Variants in GAN observed in about 807,000 individuals in gnomAD.
GAN encodes the protein epididymis secretory sperm binding protein.
GAN carries 48 observed loss-of-function variants against 71.3 expected under a neutral mutation model. That is an observed-to-expected ratio of 0.67 (90% confidence interval 0.53 to 0.86). The LOEUF (loss-of-function observed/expected upper bound fraction) is 0.86. Ranked by LOEUF, GAN falls within the 40% of genes least tolerant of loss-of-function variation. GAN has a pLI of 0.00. For missense variants in GAN, 928 were observed against 770.1 expected (o/e 1.21, Z -2.43); for synonymous variants, 386 against 276.8 (o/e 1.39, Z -3.92).
chr16:81,364,913 C>G (rs1055351301), intron 7 of GAN, 61 bp from the exon 8 acceptor site: 44 of 1,524,754 alleles, frequency 2.9e-5, no homozygotes, highest in Middle Eastern at 3.4e-4. Context: ...AGTTTAATAT[C>G]TGTTCACCTG....
At chr16:81,341,820 T>C (rs1909952829) in intron 1 of GAN, among the ~76,000 whole-genome samples, 1 of 152,166 alleles carries the variant, frequency 6.6e-6, no homozygotes, top group African/African-American at 2.4e-5. Flanking sequence ...AATACCCCAA[T>C]TGAAAGACAC....
At chr16:81,315,508 C>G (rs886933635) in intron 1 of GAN, among the ~76,000 whole-genome samples, 6 of 152,016 alleles carry the variant, frequency 3.9e-5, no homozygotes, top group South Asian at 2.1e-4. Context: ...CACTGGACCC[C>G]CGCGCCCCTT....
intron 5 of GAN, among the ~76,000 whole-genome samples, chr16:81,359,243 C>G (rs1366667031): frequency 6.6e-6 from 1 of 152,128 alleles, no homozygotes; most frequent in Non-Finnish European, 1.5e-5. Flanking sequence ...TTCACACATA[C>G]ACGTCTGTCA....
intron 1 of GAN, among the ~76,000 whole-genome samples, chr16:81,337,178 A>G (rs1909792478): frequency 6.6e-6 from 1 of 152,166 alleles, no homozygotes; most frequent in Admixed American, 6.5e-5. Flanking sequence ...AGGAATGTGA[A>G]TTATTAGTTT....
At chr16:81,369,455 T>C (rs1379903871) in intron 9 of GAN, among the ~76,000 whole-genome samples, 11 of 152,218 alleles carry the variant, frequency 7.2e-5, no homozygotes, top group African/African-American at 2.2e-4. Flanking sequence ...TCTCGGAAAA[T>C]CTTGGAAAAT....
intron 9 of GAN, among the ~76,000 whole-genome samples, chr16:81,370,201 T>C (rs1339347905): frequency 6.6e-6 from 1 of 152,232 alleles, no homozygotes; most frequent in East Asian, 1.9e-4. Context: ...ATCATGATGT[T>C]CCACAAAACA....
intron 1 of GAN, among the ~76,000 whole-genome samples, chr16:81,345,372 C>G (rs1039784234): frequency 2.0e-5 from 3 of 151,544 alleles, no homozygotes; most frequent in Non-Finnish European, 4.4e-5. Context: ...CAATGATAGA[C>G]TAAGAAAATG....
At position 81,347,640 on chromosome 16, in the gene GAN, C is replaced by T. The variant is rs147186375; in HGVS notation, c.168-3943C>T. 1.7e-3 allele frequency among the ~76,000 whole-genome samples: 260 copies of T among 152,228 alleles called. 1 individual carries two copies. Among genetic ancestry groups the T allele is most frequent in the African/African-American group, 5.8e-3 (240 of 41,536 alleles). ...TGAAAATGTCTTTGTTCCCCCCTGC[C>T]ACTTGATTGATAGTTTGGCTGGTTA... is the stretch of plus-strand genomic sequence containing the variant. On this transcript the variant is annotated intron_variant, in intron 1 of 10. Transcript: ENST00000648994.
chr16:81,364,325 G>A (rs912789176), intron 7 of GAN, among the ~76,000 whole-genome samples: 2 of 152,068 alleles, frequency 1.3e-5, no homozygotes, highest in Admixed American at 6.5e-5. Context: ...ATTAGAGTGC[G>A]GTGGCGCCAT....
At chr16:81,369,582 A>C (rs1323330547) in intron 9 of GAN, among the ~76,000 whole-genome samples, 1 of 152,082 alleles carries the variant, frequency 6.6e-6, no homozygotes. Flanking sequence ...ATTCTACATT[A>C]CTCATGGTAG....
chr16:81,323,423 A>T (rs1303223419), intron 1 of GAN, among the ~76,000 whole-genome samples: 2 of 152,182 alleles, frequency 1.3e-5, no homozygotes, highest in Non-Finnish European at 2.9e-5. Flanking sequence ...TTTCATAGTG[A>T]TCAGAAAAGG....
intron 2 of GAN, among the ~76,000 whole-genome samples, chr16:81,353,847 A>G (rs1037914721): frequency 7.2e-5 from 11 of 152,128 alleles, no homozygotes; most frequent in African/African-American, 2.2e-4. Flanking sequence ...TTTGAGACCT[A>G]AGTGTATCTG....
chr16:81,366,575 A>C (rs1432959767), intron 9 of GAN, among the ~76,000 whole-genome samples: 1 of 152,240 alleles, frequency 6.6e-6, no homozygotes, highest in African/African-American at 2.4e-5. Context: ...GTTTTAGATG[A>C]GGGCACGCAG....
At chr16:81,319,598 G>T (rs990978442) in intron 1 of GAN, among the ~76,000 whole-genome samples, 1 of 152,074 alleles carries the variant, frequency 6.6e-6, no homozygotes, top group African/African-American at 2.4e-5. Flanking sequence ...GAGACCTATT[G>T]CAACAAAAGT....
intron 3 of GAN, among the ~76,000 whole-genome samples, chr16:81,355,037 C>T (rs1439751220): frequency 6.6e-6 from 1 of 152,166 alleles, no homozygotes; most frequent in Non-Finnish European, 1.5e-5. Flanking sequence ...CAAGCTTAAG[C>T]TGGAGATTAT....
At chr16:81,346,637 A>G (rs1427344215) in intron 1 of GAN, among the ~76,000 whole-genome samples, 2 of 152,200 alleles carry the variant, frequency 1.3e-5, no homozygotes, top group African/African-American at 4.8e-5. Flanking sequence ...CCTTCTGTGG[A>G]AAGATTGTCT....
Position 81,377,409 on chromosome 16 carries a change from G to T in GAN, c.1613-6G>T. 6.2e-7 allele frequency: 1 copy of T among 1,613,448 alleles called. No homozygotes were observed. The highest frequency in any genetic ancestry group is 8.5e-7 in the Non-Finnish European group (1 of 1,179,416). Reference sequence around the variant, plus strand: ...TTTCTCACCCTTGCTTATTTCTGTGGCTTAGGTACCAATTACGACTACGTG... The same window carrying T: ...TTTCTCACCCTTGCTTATTTCTGTGTCTTAGGTACCAATTACGACTACGTG... On this transcript the variant is annotated splice_polypyrimidine_tract_variant and splice_region_variant and intron_variant, in intron 10 of 10. Transcript: ENST00000648994.
intron 4 of GAN, among the ~76,000 whole-genome samples, chr16:81,357,359 T>C (rs1910525092): frequency 6.6e-6 from 1 of 152,174 alleles, no homozygotes; most frequent in Non-Finnish European, 1.5e-5. Flanking sequence ...ATGCGGTGTT[T>C]GGTTTTTTGT....
Position 81,390,256 on chromosome 16 carries a change from G to A in GAN, c.*12660G>A, listed in dbSNP as rs1904523863. ...TAGGATAGTAGAGAAGTCGTGCTAA[G>A]TTGATTTCATTGAAATGTCACGTCT... On this transcript the variant is annotated 3_prime_UTR_variant, in exon 11 of 11. Coordinates refer to ENST00000648994, the MANE Select transcript of GAN (RefSeq NM_022041.4). The A allele has an allele frequency of 6.6e-6, 1 of 152,212 alleles. No homozygotes were observed. The highest frequency in any genetic ancestry group is 1.5e-5 in the Non-Finnish European group (1 of 68,032). 9.4% of individuals were successfully genotyped at this position (152,212 alleles called of 1,614,324 possible).
Sources: allele counts gnomAD v4.1 joint callset (sites outside exome capture counted in the v4.1 genomes callset), GRCh38; gene constraint gnomAD v4.1.1; transcripts MANE v1.5; gene names NCBI Gene and HGNC (gene_info 2026-07-23, HGNC 2026-07-21).